CDK19: variants seen among roughly 807,000 people sequenced by gnomAD.
CDK19 encodes cyclin-dependent kinase 19.
A neutral mutation model predicts 68.3 loss-of-function variants in CDK19; 20 were observed. That is an observed-to-expected ratio of 0.29 (90% CI 0.21 to 0.43). The LOEUF (loss-of-function observed/expected upper bound fraction) is 0.43. CDK19 is among the 20% of genes least tolerant of loss of function. The pLI is 1.00. For missense variants in CDK19, 339 were observed against 623.5 expected (o/e 0.54, Z 4.86); for synonymous variants, 221 against 222.8 (o/e 0.99, Z 0.07).
intron 12 of CDK19, among the ~76,000 whole-genome samples, chr6:110,620,389 A>C (rs898445478): frequency 5.9e-5 from 9 of 151,998 alleles, no homozygotes; most frequent in South Asian, 2.1e-4. Context: ...AACAAACAAA[A>C]AAACAAACAA....
rs1438864366 is a variant in CDK19, at chr6:110,746,037, A to ATT, written c.204+87_204+88dup. 33 of 571,634 alleles carry ATT rather than the reference A, an allele frequency of 5.8e-5. No homozygotes were observed. The East Asian group carries it at 9.4e-4, about 16-fold the overall frequency. The allele number at this position is 571,634 out of a possible 1,614,324, so 35.4% of individuals were successfully genotyped here. On this transcript the variant is annotated intron_variant, in intron 2 of 12. Transcript: ENST00000368911. ...ACTAACATATGTAAAATAAACATTC[A>ATT]TTATATATATTAATGAAACTTTTAT...
intron 2 of CDK19, among the ~76,000 whole-genome samples, chr6:110,733,551 G>T (rs986266973): frequency 6.6e-6 from 1 of 152,032 alleles, no homozygotes; most frequent in African/African-American, 2.4e-5. Context: ...TGGCTATACC[G>T]TTTCATGCTT....
At chr6:110,691,773 G>C (rs1245018027) in intron 2 of CDK19, among the ~76,000 whole-genome samples, 13 of 150,980 alleles carry the variant, frequency 8.6e-5, no homozygotes, top group Non-Finnish European at 1.9e-4. Flanking sequence ...TCAGCCTCCT[G>C]AGTAGCTGGG....
At chr6:110,793,424 T>A (rs1029171044) in intron 1 of CDK19, among the ~76,000 whole-genome samples, 2 of 152,154 alleles carry the variant, frequency 1.3e-5, no homozygotes, top group Admixed American at 6.6e-5. Flanking sequence ...TTAAAAAAAA[T>A]TATCCTAAAT....
intron 2 of CDK19, among the ~76,000 whole-genome samples, chr6:110,688,923 A>T (rs1267280554): frequency 6.6e-6 from 1 of 152,206 alleles, no homozygotes; most frequent in East Asian, 1.9e-4. Context: ...AGTGTGCTGC[A>T]GCCATGAGTG....
In CDK19 at chr6:110,749,523, G is replaced by A. The variant is rs549585108; in HGVS notation, c.129-3322C>T. Among the ~76,000 whole-genome samples, 15 of 152,004 alleles carry A rather than the reference G, an allele frequency of 9.9e-5. No individual in the cohort carries two copies. The South Asian group carries it at 2.5e-3, about 25-fold the overall frequency. On this transcript the variant is annotated intron_variant, in intron 1 of 12. Transcript: ENST00000368911. ...CTGCAGGCACATACCACACACCCAG[G>A]TAATTTTTGTATTTTTTGTAAAGAT...
At chr6:110,648,878 C>A (rs752334589) in intron 4 of CDK19, among the ~76,000 whole-genome samples, 1 of 152,006 alleles carries the variant, frequency 6.6e-6, no homozygotes, top group African/African-American at 2.4e-5. Flanking sequence ...CCGCCATACC[C>A]GGCTCATTTT....
intron 2 of CDK19, among the ~76,000 whole-genome samples, chr6:110,676,490 T>A (rs986190778): frequency 2.6e-5 from 4 of 152,188 alleles, no homozygotes; most frequent in African/African-American, 7.2e-5. Context: ...GCATTGCATG[T>A]TACAGAGAAA....
At chr6:110,711,376 G>C (rs1403919436) in intron 2 of CDK19, among the ~76,000 whole-genome samples, 1 of 152,048 alleles carries the variant, frequency 6.6e-6, no homozygotes. Context: ...AGTAAATGAA[G>C]ACATTATTTG....
chr6:110,691,039 G>A (rs117383797), intron 2 of CDK19, among the ~76,000 whole-genome samples: 3,775 of 152,052 alleles, frequency 0.025, 73 homozygotes, highest in Non-Finnish European at 0.039. Flanking sequence ...TGAAATATTC[G>A]AAATATCAGA....
At position 110,722,866 on chromosome 6, in the gene CDK19, C is replaced by CA. The variant is rs879415966; in HGVS notation, c.204+23259dup. Among the ~76,000 whole-genome samples, 433 of 142,436 alleles carry CA rather than the reference C, an allele frequency of 3.0e-3. 3 individuals carry two copies. The highest frequency in any genetic ancestry group is 4.6e-3 in the Non-Finnish European group (298 of 64,858). 93.4% of individuals were successfully genotyped at this position (142,436 alleles called of 152,430 possible). A position where few individuals can be genotyped will look rare whatever the true frequency, so the allele number is the denominator to read the frequency against. On this transcript the variant is annotated intron_variant, in intron 2 of 12. Coordinates refer to ENST00000368911, the MANE Select transcript of CDK19 (RefSeq NM_015076.5). ...TGGGTGACAGAGTGAGACCCTATCT[C>CA]AAAAAAAAAAGGATTCCTGATCTTC...
chr6:110,810,696 C>T (rs1016314834), intron 1 of CDK19, among the ~76,000 whole-genome samples: 4 of 151,896 alleles, frequency 2.6e-5, no homozygotes, highest in Non-Finnish European at 5.9e-5. Context: ...ATCGCTGGAA[C>T]CCAAGAGGCG....
intron 1 of CDK19, among the ~76,000 whole-genome samples, chr6:110,771,934 C>A (rs1038179200): frequency 1.7e-4 from 26 of 152,212 alleles, no homozygotes; most frequent in African/African-American, 6.0e-4. Flanking sequence ...TTTGAGACCA[C>A]CTCAGCCTGG....
At chr6:110,665,538 G>A (rs1781871590) in intron 4 of CDK19, among the ~76,000 whole-genome samples, 1 of 152,056 alleles carries the variant, frequency 6.6e-6, no homozygotes, top group Non-Finnish European at 1.5e-5. Context: ...ATGCTGTTTA[G>A]AACAAAATAT....
chr6:110,673,063 A>C (rs1771154731), intron 2 of CDK19, among the ~76,000 whole-genome samples: 1 of 152,050 alleles, frequency 6.6e-6, no homozygotes, highest in Non-Finnish European at 1.5e-5. Flanking sequence ...TTCATCCCAA[A>C]ATGAAAATCT....
intron 1 of CDK19, among the ~76,000 whole-genome samples, chr6:110,774,758 T>C (rs1350488628): frequency 6.6e-6 from 1 of 152,174 alleles, no homozygotes; most frequent in Non-Finnish European, 1.5e-5. Flanking sequence ...AAGACCAGCA[T>C]GGACAACAGG....
At chr6:110,727,860 C>T (rs1405039287) in intron 2 of CDK19, among the ~76,000 whole-genome samples, 1 of 151,870 alleles carries the variant, frequency 6.6e-6, no homozygotes, top group East Asian at 1.9e-4. Context: ...AGTGGTAAAT[C>T]CCTATTGTCC....
chr6:110,674,230 T>C (rs76928447), intron 2 of CDK19, among the ~76,000 whole-genome samples: 2,871 of 151,860 alleles, frequency 0.019, 36 homozygotes, highest in Non-Finnish European at 0.031. Flanking sequence ...CCACCAGCTG[T>C]TCCCCCATCT....
intron 2 of CDK19, among the ~76,000 whole-genome samples, chr6:110,724,929 C>T (rs1776217932): frequency 6.6e-6 from 1 of 152,186 alleles, no homozygotes; most frequent in Admixed American, 6.5e-5. Context: ...AGGGTACCAG[C>T]TATTGGAGTC....
Sources: allele counts gnomAD v4.1 joint callset (sites outside exome capture counted in the v4.1 genomes callset), GRCh38; gene constraint gnomAD v4.1.1; transcripts MANE v1.5; gene names NCBI Gene and HGNC (gene_info 2026-07-23, HGNC 2026-07-21).